Variants in EPHA6 observed in about 807,000 individuals in gnomAD.
EPHA6 encodes EPH receptor A6.
A neutral mutation model predicts 112.0 loss-of-function variants in EPHA6; 50 were observed. The ratio of observed to expected loss-of-function variants is 0.45; its 90% CI spans 0.36 to 0.56. The LOEUF is 0.56. EPHA6 is among the 20% of genes least tolerant of loss of function. The pLI, the probability that EPHA6 is intolerant of heterozygous loss-of-function variation, is 0.00. For missense variants in EPHA6, 1,280 were observed against 1,417.4 expected, an observed-to-expected ratio of 0.90 and a Z score of 1.56; for synonymous variants, 529 against 490.7, an observed-to-expected ratio of 1.08 and a Z score of -1.03.
At chr3:96,895,789 C>T (rs949893932) in intron 2 of EPHA6, among the ~76,000 whole-genome samples, 17 of 152,146 alleles carry the variant, frequency 1.1e-4, no homozygotes, top group African/African-American at 3.4e-4. Flanking sequence ...ATAGGTGCAT[C>T]GCTCTACTTT....
intron 1 of EPHA6, among the ~76,000 whole-genome samples, chr3:96,838,523 A>G (rs1393155448): frequency 6.6e-6 from 1 of 152,148 alleles, no homozygotes; most frequent in Non-Finnish European, 1.5e-5. Context: ...CCAACAGTGT[A>G]AAAGTGTTTC....
intron 14 of EPHA6, among the ~76,000 whole-genome samples, chr3:97,679,279 T>C (rs1031226876): frequency 5.3e-5 from 8 of 152,124 alleles, no homozygotes; most frequent in Non-Finnish European, 1.2e-4. Context: ...TCTTTCCTCA[T>C]TTCAGTGGGA....
At chr3:97,319,112 A>C (rs2081982011) in intron 5 of EPHA6, among the ~76,000 whole-genome samples, 2 of 151,506 alleles carry the variant, frequency 1.3e-5, no homozygotes, top group African/African-American at 4.9e-5. Context: ...TACTTTTATC[A>C]TGAGAGACAC....
rs959262363 is a variant in EPHA6, at chr3:97,753,873, T to C, written c.*5172T>C. 1.3e-5 allele frequency among the ~76,000 whole-genome samples: 2 copies of C among 152,072 alleles called. No individual in the cohort carries two copies. Among genetic ancestry groups the C allele is most frequent in the African/African-American group, 4.8e-5 (2 of 41,424 alleles). On this transcript the variant is annotated 3_prime_UTR_variant, in exon 18 of 18. Transcript: ENST00000389672. ...TTAAAAAAAAAGTACTGATGAGATG[T>C]AGCAAAGATTTCTCAGGATAAAAAT...
intron 9 of EPHA6, among the ~76,000 whole-genome samples, chr3:97,480,676 C>T (rs2107482777): frequency 6.6e-6 from 1 of 152,348 alleles, no homozygotes; most frequent in South Asian, 2.1e-4. Flanking sequence ...TTCTTTTCCC[C>T]ACATTTCCCC....
At chr3:96,983,063 A>C (rs960575811) in intron 2 of EPHA6, among the ~76,000 whole-genome samples, 2 of 152,082 alleles carry the variant, frequency 1.3e-5, no homozygotes, top group South Asian at 2.1e-4. Context: ...TTTAAGGTTA[A>C]TATTGTTATG....
At chr3:96,921,311 T>C (rs2039750153) in intron 2 of EPHA6, among the ~76,000 whole-genome samples, 1 of 152,076 alleles carries the variant, frequency 6.6e-6, no homozygotes, top group Non-Finnish European at 1.5e-5. Context: ...TATTTTTAAT[T>C]ATGATATTAA....
At chr3:97,278,038 C>T (rs2080156578) in intron 5 of EPHA6, among the ~76,000 whole-genome samples, 2 of 152,244 alleles carry the variant, frequency 1.3e-5, no homozygotes, top group African/African-American at 2.4e-5. Context: ...CATTATGCAG[C>T]ACATGACTGT....
intron 6 of EPHA6, among the ~76,000 whole-genome samples, chr3:97,443,359 C>CAAAAAAAAAAAAAAAAAAAAAA (rs5851066): frequency 1.5e-5 from 1 of 68,260 alleles, no homozygotes; most frequent in Non-Finnish European, 3.2e-5. Flanking sequence ...TAAGACATCG[C>CAAAAAAAAAAAAAAAAAAAAAA]AAAAAAAAAA....
intron 9 of EPHA6, among the ~76,000 whole-genome samples, chr3:97,483,064 A>T (rs922519465): frequency 6.6e-6 from 1 of 152,180 alleles, no homozygotes; most frequent in African/African-American, 2.4e-5. Flanking sequence ...GCCAGCCTGG[A>T]CAACATAGCA....
chr3:97,042,141 G>A (rs1296900960), intron 3 of EPHA6, among the ~76,000 whole-genome samples: 1 of 152,110 alleles, frequency 6.6e-6, no homozygotes, highest in African/African-American at 2.4e-5. Context: ...GTAATCCTCA[G>A]TGCTAGAACT....
intron 6 of EPHA6, among the ~76,000 whole-genome samples, chr3:97,446,127 T>C (rs893375339): frequency 3.9e-5 from 6 of 152,180 alleles, no homozygotes; most frequent in Non-Finnish European, 7.3e-5. Flanking sequence ...ATGCATATCA[T>C]AGACAAAAGC....
intron 2 of EPHA6, among the ~76,000 whole-genome samples, chr3:96,920,641 TTGTG>T (rs150752349): frequency 0.013 from 2,048 of 151,758 alleles, 48 homozygotes; most frequent in African/African-American, 0.045. Context: ...CCTGTAAGGA[TTGTG>T]TGTGTGTGTA....
At chr3:96,843,062 G>A (rs1410732554) in intron 1 of EPHA6, among the ~76,000 whole-genome samples, 1 of 152,054 alleles carries the variant, frequency 6.6e-6, no homozygotes, top group Non-Finnish European at 1.5e-5. Context: ...AATTTCTAAT[G>A]TGCATCTGTG....
intron 5 of EPHA6, among the ~76,000 whole-genome samples, chr3:97,298,727 T>C (rs558360064): frequency 8.5e-5 from 13 of 152,234 alleles, no homozygotes; most frequent in Admixed American, 2.6e-4. Context: ...ATGTAACCAT[T>C]ATTCACAATA....
chr3:96,815,342 A>G (rs949960705), intron 1 of EPHA6, among the ~76,000 whole-genome samples: 1 of 151,882 alleles, frequency 6.6e-6, no homozygotes, highest in African/African-American at 2.4e-5. Flanking sequence ...GACTTAATGG[A>G]GACTTCTGGC....
intron 14 of EPHA6, among the ~76,000 whole-genome samples, chr3:97,642,604 T>C (rs1245579321): frequency 6.6e-6 from 1 of 151,988 alleles, no homozygotes; most frequent in Non-Finnish European, 1.5e-5. Flanking sequence ...AAGGAGCTGA[T>C]GGGGCTGAAA....
intron 6 of EPHA6, among the ~76,000 whole-genome samples, chr3:97,414,378 C>T (rs1175701639): frequency 6.6e-6 from 1 of 151,994 alleles, no homozygotes; most frequent in Non-Finnish European, 1.5e-5. Context: ...AAAGGAATTT[C>T]TTTTAGAAAA....
intron 14 of EPHA6, among the ~76,000 whole-genome samples, chr3:97,691,856 C>T (rs2107709919): frequency 6.6e-6 from 1 of 152,330 alleles, no homozygotes; most frequent in African/African-American, 2.4e-5. Flanking sequence ...CGGCCCCTTC[C>T]AGTATTCTTG....
Sources: gnomAD v4.1 joint callset for allele counts (sites outside exome capture counted in the v4.1 genomes callset) on GRCh38, gnomAD v4.1.1 for gene constraint, MANE v1.5 for transcripts, NCBI Gene and HGNC (gene_info 2026-07-23, HGNC 2026-07-21) for gene names.